FLYWCH1: variants seen among roughly 807,000 people sequenced by gnomAD.
FLYWCH1 encodes FLYWCH-type zinc finger-containing protein 1.
A neutral mutation model predicts 66.4 loss-of-function variants in FLYWCH1; 75 were observed. That is an observed-to-expected ratio of 1.13 (90% CI 0.94 to 1.37). The LOEUF (loss-of-function observed/expected upper bound fraction) is 1.37. FLYWCH1 is among the 40% of genes most tolerant of loss of function. FLYWCH1 has a pLI of 0.00. For missense variants in FLYWCH1, 1,334 were observed against 1,001.8 expected, an observed-to-expected ratio of 1.33 and a Z score of -4.48; for synonymous variants, 595 against 429.9, an observed-to-expected ratio of 1.38 and a Z score of -4.75.
At position 2,928,139 on chromosome 16, in the gene FLYWCH1, C is replaced by T. The variant is rs189703448; in HGVS notation, c.-73-1474C>T. 4.5e-4 allele frequency among the ~76,000 whole-genome samples: 68 copies of T among 152,368 alleles called. No homozygotes were observed. The East Asian group carries it at 4.8e-3, about 11-fold the overall frequency. The stretch of plus-strand genomic sequence containing the variant: ...CAGAGCAGTATTGCTGCCAGCGTAT[C>T]TTGCCTCCAGCCACAGGGTGGTTTT... On this transcript the variant is annotated intron_variant, in intron 2 of 9. Coordinates refer to ENST00000253928, the MANE Select transcript of FLYWCH1 (RefSeq NM_001308068.2).
rs550314714 is a variant in FLYWCH1 at position 2,921,087 on chromosome 16, C to A, written c.-74+6798C>A. 3.9e-5 allele frequency among the ~76,000 whole-genome samples: 6 copies of A among 152,138 alleles called. No homozygotes were observed. The Middle Eastern group carries it at 0.017, about 431-fold the overall frequency. The stretch of plus-strand genomic sequence containing the variant: ...CGATCTGCTGACCCCGTGATCTGCC[C>A]GCCTCGGCCTCCCAAAGTGCTGGGA... On this transcript the variant is annotated intron_variant, in intron 2 of 9. Transcript: ENST00000253928.
intron 2 of FLYWCH1, among the ~76,000 whole-genome samples, chr16:2,914,898 G>A: frequency 8.0e-6 from 1 of 124,972 alleles, no homozygotes. Flanking sequence ...GACAGAGTGA[G>A]ACTCTGTCTC....
At chr16:2,942,434 C>T (rs751875422) in intron 9 of FLYWCH1, among the ~76,000 whole-genome samples, 7 of 152,142 alleles carry the variant, frequency 4.6e-5, no homozygotes, top group Non-Finnish European at 7.3e-5. Flanking sequence ...AAGCATGAGC[C>T]GCAATGCTTG....
intron 2 of FLYWCH1, chr16:2,922,489 C>CT (rs2070408553): frequency 4.2e-6 from 1 of 237,466 alleles, no homozygotes; most frequent in African/African-American, 2.3e-5. Flanking sequence ...CCTCCTGCCC[C>CT]TGGCACCCCC....
rs150872985 is a variant in FLYWCH1, at chr16:2,942,055, T to C, written c.2111+1963T>C. Among the ~76,000 whole-genome samples, 3 of 117,294 alleles carry C rather than the reference T, an allele frequency of 2.6e-5. No individual in the cohort carries two copies. In the East Asian group the frequency reaches 7.5e-4, roughly 29 times the overall value. The allele number at this position is 117,294 out of a possible 152,430, so 76.9% of individuals were successfully genotyped here. ...CAGAAGGAAGGAAATAAATAATAAATGAAACCAAAAGTTGGTTCTGTATAA... is the reference window on the plus strand; with the variant it reads ...CAGAAGGAAGGAAATAAATAATAAACGAAACCAAAAGTTGGTTCTGTATAA... On this transcript the variant is annotated intron_variant, in intron 9 of 9. Coordinates refer to ENST00000253928, the MANE Select transcript of FLYWCH1 (RefSeq NM_001308068.2).
intron 4 of FLYWCH1, among the ~76,000 whole-genome samples, chr16:2,932,270 CAAA>C (rs71158125): frequency 0.2 from 11,041 of 54,442 alleles, 553 homozygotes; most frequent in East Asian, 0.41. Flanking sequence ...GACCCTGTCT[CAAA>C]AAAAAAAAAA....
At chr16:2,913,936 C>A (rs554586299) in intron 1 of FLYWCH1, among the ~76,000 whole-genome samples, 1 of 152,124 alleles carries the variant, frequency 6.6e-6, no homozygotes, top group Non-Finnish European at 1.5e-5. Context: ...TCTCGAACTC[C>A]TGGGCTCAAA....
chr16:2,933,542 C>G lies in FLYWCH1; in HGVS notation c.1209C>G (p.Pro403=). 1.9e-6 allele frequency: 3 copies of G among 1,607,968 alleles called. No homozygotes were observed. Among genetic ancestry groups the G allele is most frequent in the Non-Finnish European group, 2.5e-6 (3 of 1,177,010 alleles). ...KVEDQELPTQ[P]EAPDEHQDMD... is the part of the protein sequence containing the mutation. ...AAGACCAGGAGCTGCCAACCCAGCCCGAGGCCCCAGACGAGCACCAGGACA... is the reference window on the plus strand; with the variant it reads ...AAGACCAGGAGCTGCCAACCCAGCCGGAGGCCCCAGACGAGCACCAGGACA... The change falls in exon 5 of 10, where the codon CCC becomes CCG. Residue 403 remains proline (P), a synonymous_variant. Coordinates refer to ENST00000253928, the MANE Select transcript of FLYWCH1 (RefSeq NM_001308068.2).
chr16:2,927,345 G>A (rs1007665669), intron 2 of FLYWCH1, among the ~76,000 whole-genome samples: 8 of 152,194 alleles, frequency 5.3e-5, no homozygotes, highest in Non-Finnish European at 1.0e-4. Context: ...CGGGGAAGGG[G>A]CTCCAGCAGG....
intron 2 of FLYWCH1, among the ~76,000 whole-genome samples, chr16:2,927,163 C>A (rs1002780926): frequency 6.6e-6 from 1 of 152,184 alleles, no homozygotes; most frequent in East Asian, 1.9e-4. Flanking sequence ...GTGTTTAATA[C>A]GTCAGCACCA....
chr16:2,935,616 C>G (rs1198278880), intron 6 of FLYWCH1: 1 of 152,048 alleles, frequency 6.6e-6, no homozygotes, highest in Non-Finnish European at 1.5e-5. Flanking sequence ...AAATGTCTGT[C>G]GCTTCCCTCC....
intron 6 of FLYWCH1, 141 bp downstream of exon 6, chr16:2,934,120 C>G (rs2070896616): frequency 9.1e-7 from 1 of 1,097,712 alleles, no homozygotes. Flanking sequence ...ATGGCCCTGG[C>G]CTCCTACTCC....
At chr16:2,934,793 C>T (rs1214299152) in intron 6 of FLYWCH1, 2 of 367,184 alleles carry the variant, frequency 5.4e-6, no homozygotes, top group Non-Finnish European at 1.1e-5. Context: ...CCGCTCCTGA[C>T]CCCACAAGTA....
At chr16:2,922,217 G>A (rs1052956844) in intron 2 of FLYWCH1, 2 of 137,922 alleles carry the variant, frequency 1.5e-5, no homozygotes, top group Non-Finnish European at 3.1e-5. Context: ...TGTATAGTTT[G>A]TTACAGATGG....
intron 2 of FLYWCH1, chr16:2,915,049 G>T (rs1278139599): frequency 6.8e-6 from 1 of 147,672 alleles, no homozygotes; most frequent in African/African-American, 2.5e-5. Context: ...AGTAACAAAA[G>T]TTTCTAATTT....
At chr16:2,928,482 C>T (rs2070648483) in intron 2 of FLYWCH1, among the ~76,000 whole-genome samples, 1 of 152,184 alleles carries the variant, frequency 6.6e-6, no homozygotes, top group Admixed American at 6.5e-5. Context: ...GTGACTTTTA[C>T]CAGGCATACT....
chr16:2,917,500 A>C (rs1280464994), intron 2 of FLYWCH1, among the ~76,000 whole-genome samples: 2 of 152,000 alleles, frequency 1.3e-5, no homozygotes, highest in Non-Finnish European at 2.9e-5. Context: ...AAGTGCTGGG[A>C]TTACAGGTGT....
intron 7 of FLYWCH1, among the ~76,000 whole-genome samples, chr16:2,937,622 G>A (rs983300883): frequency 6.6e-6 from 1 of 152,174 alleles, no homozygotes; most frequent in Non-Finnish European, 1.5e-5. Flanking sequence ...TCTAGAGGAA[G>A]AGGATGGTGG....
chr16:2,917,672 A>C (rs1314601885), intron 2 of FLYWCH1, among the ~76,000 whole-genome samples: 2 of 152,168 alleles, frequency 1.3e-5, no homozygotes, highest in Non-Finnish European at 2.9e-5. Flanking sequence ...GCTTAGCTGC[A>C]GTCTTCTGTT....
Sources: gnomAD v4.1 joint callset for allele counts (sites outside exome capture counted in the v4.1 genomes callset) on GRCh38, gnomAD v4.1.1 for gene constraint, MANE v1.5 for transcripts, NCBI Gene and HGNC (gene_info 2026-07-23, HGNC 2026-07-21) for gene names.